Variants in ZNF423 observed in about 807,000 individuals in gnomAD.
ZNF423 encodes zinc finger protein 423.
ZNF423 carries 12 observed loss-of-function variants against 95.8 expected under a neutral mutation model. The ratio of observed to expected loss-of-function variants is 0.13; its 90% CI spans 0.08 to 0.20. The LOEUF is 0.20. Among genes scored for constraint, ZNF423 ranks in the 10% least tolerant of loss-of-function variants. ZNF423 has a pLI of 1.00. For missense variants in ZNF423, 1,316 were observed against 1,737.1 expected (o/e 0.76, Z 4.31); for synonymous variants, 749 against 711.9 (o/e 1.05, Z -0.83).
At chr16:49,573,961 A>T (rs1261011905) in intron 5 of ZNF423, among the ~76,000 whole-genome samples, 1 of 152,200 alleles carries the variant, frequency 6.6e-6, no homozygotes, top group African/African-American at 2.4e-5. Context: ...GCCTTCATCC[A>T]TACCTCACAG....
intron 7 of ZNF423, chr16:49,518,368 A>T: frequency 2.3e-6 from 1 of 432,652 alleles, no homozygotes; most frequent in South Asian, 1.7e-5. Context: ...TATCATAAAA[A>T]TGACAACGGG....
At chr16:49,773,860 G>A (rs2034077005) in intron 2 of ZNF423, among the ~76,000 whole-genome samples, 1 of 152,228 alleles carries the variant, frequency 6.6e-6, no homozygotes, top group Non-Finnish European at 1.5e-5. Flanking sequence ...CTTGAGGGAG[G>A]CAAGGAGGCA....
At chr16:49,494,234 CA>C (rs2074877390) in intron 7 of ZNF423, among the ~76,000 whole-genome samples, 1 of 152,248 alleles carries the variant, frequency 6.6e-6, no homozygotes, top group Admixed American at 6.5e-5. Flanking sequence ...ATAGCAGTAG[CA>C]GGGGGCTCTG....
chr16:49,560,979 T>C (rs1969998943), intron 5 of ZNF423, among the ~76,000 whole-genome samples: 1 of 152,224 alleles, frequency 6.6e-6, no homozygotes, highest in Admixed American at 6.5e-5. Context: ...GCAAATTCAC[T>C]AAAGGAGGCT....
At chr16:49,774,713 C>T (rs1482168955) in intron 2 of ZNF423, among the ~76,000 whole-genome samples, 1 of 152,148 alleles carries the variant, frequency 6.6e-6, no homozygotes, top group Non-Finnish European at 1.5e-5. Context: ...GAATAAACCA[C>T]AGCCAAATGA....
intron 2 of ZNF423, among the ~76,000 whole-genome samples, chr16:49,773,618 A>C (rs943138429): frequency 1.1e-4 from 16 of 152,316 alleles, no homozygotes; most frequent in Middle Eastern, 6.8e-3. Flanking sequence ...AAGGAAGTTA[A>C]ATGATAAATA....
chr16:49,813,153 G>C (rs1597032596), intron 1 of ZNF423, among the ~76,000 whole-genome samples: 1 of 152,026 alleles, frequency 6.6e-6, no homozygotes, highest in Non-Finnish European at 1.5e-5. Context: ...ATTTCCCTGT[G>C]CGTATGAATG....
At chr16:49,675,036 G>C (rs147006740) in intron 3 of ZNF423, among the ~76,000 whole-genome samples, 45 of 152,310 alleles carry the variant, frequency 3.0e-4, no homozygotes, top group Admixed American at 6.5e-4. Flanking sequence ...CGGGAGGCCT[G>C]TGGTGTGTGG....
intron 1 of ZNF423, chr16:49,827,156 G>C (rs925803712): frequency 6.6e-6 from 1 of 152,126 alleles, no homozygotes; most frequent in Non-Finnish European, 1.5e-5. Flanking sequence ...AAATAAAAGA[G>C]ATACATCTCC....
At chr16:49,756,691 G>C (rs2033733214) in intron 2 of ZNF423, among the ~76,000 whole-genome samples, 2 of 152,200 alleles carry the variant, frequency 1.3e-5, no homozygotes, top group African/African-American at 4.8e-5. Flanking sequence ...TCACCTGCAT[G>C]GAAAGGAGGA....
intron 7 of ZNF423, among the ~76,000 whole-genome samples, chr16:49,509,146 C>A (rs1461189484): frequency 6.6e-6 from 1 of 152,130 alleles, no homozygotes; most frequent in Non-Finnish European, 1.5e-5. Flanking sequence ...AAGTGGCTCG[C>A]TAAGTCGTCT....
intron 5 of ZNF423, among the ~76,000 whole-genome samples, chr16:49,547,007 T>C (rs913510157): frequency 4.1e-5 from 6 of 145,212 alleles, no homozygotes; most frequent in Non-Finnish European, 9.1e-5. Flanking sequence ...TGATACTCTT[T>C]CCAGAAAAAA....
chr16:49,509,700 C>T (rs17789450), intron 7 of ZNF423, among the ~76,000 whole-genome samples: 19,954 of 152,118 alleles, frequency 0.13, 1,349 homozygotes, highest in East Asian at 0.2. Flanking sequence ...TGCAGGCAGC[C>T]ATCCCCGCTC....
chr16:49,857,467 T>TAAAA (rs2035384158), upstream of ZNF423, among the ~76,000 whole-genome samples: 2 of 152,050 alleles, frequency 1.3e-5, no homozygotes, highest in Non-Finnish European at 2.9e-5. The surrounding 1 kb of genome is among the most constrained non-coding windows in gnomAD (Gnocchi z 6.2). Flanking sequence ...CCTCACAAAC[T>TAAAA]GTAAAAAGTG....
chr16:49,546,293 A>T (rs1969435327), intron 5 of ZNF423, among the ~76,000 whole-genome samples: 1 of 152,186 alleles, frequency 6.6e-6, no homozygotes, highest in African/African-American at 2.4e-5. Context: ...TCTCAATTCC[A>T]TTTCAACACC....
In ZNF423 at chr16:49,525,441, C is replaced by T; in HGVS notation, c.3655G>A (p.Ala1219Thr). ...TCAATGAGGTGACAGAGGAGCTTGG[C>T]CGGGGAGTCGAACATCTGGTTGCAC... is the stretch of plus-strand genomic sequence containing the variant. ...KLCNQMFDSP[A>T]KLLCHLIEHS... Residue 1219 changes from alanine to threonine, a missense_variant, in exon 6 of 8, where the codon GCC becomes ACC. Physicochemically the swap from Ala to Thr is moderately conservative, Grantham distance 58 (BLOSUM62 0). Transcript: ENST00000563137. The T allele has an allele frequency of 6.2e-7, 1 of 1,614,036 alleles. No individual in the cohort carries two copies. The highest frequency in any genetic ancestry group is 8.5e-7 in the Non-Finnish European group (1 of 1,179,962).
intron 5 of ZNF423, among the ~76,000 whole-genome samples, chr16:49,562,919 C>G (rs964594679): frequency 3.3e-5 from 5 of 152,206 alleles, no homozygotes; most frequent in Admixed American, 6.5e-5. Flanking sequence ...GTTGGGACTA[C>G]AGGCACGAAA....
chr16:49,635,812 C>T lies in ZNF423; in HGVS notation c.3364G>A (p.Asp1122Asn), dbSNP rs771960577. ...CAACGGAGGCCGGCACAGGGCCGGT[C>T]GGCGGGCTCGGGCGGGGCCAGGCCA... ...VGGLAPPEPA[D>N]RPCAGLRCPE... The change falls in exon 4 of 8, where the codon GAC becomes AAC. Residue 1122 changes from aspartate (D) to asparagine (N), a missense_variant. By Grantham distance (23) the Asp-to-Asn change is conservative. Coordinates refer to ENST00000563137, the MANE Select transcript of ZNF423 (RefSeq NM_001379286.1). The surrounding 1 kb of genome is among the most constrained non-coding windows in gnomAD (Gnocchi z 4.8). The T allele has an allele frequency of 6.8e-6, 11 of 1,610,136 alleles. No homozygotes were observed. The highest frequency in any genetic ancestry group is 9.3e-6 in the Non-Finnish European group (11 of 1,178,836).
rs1329994414 is a variant in ZNF423, at chr16:49,754,852, T to C, written c.101-23881A>G. Among the ~76,000 whole-genome samples, 3 of 152,352 alleles carry C rather than the reference T, an allele frequency of 2.0e-5. No homozygotes were observed. The East Asian group carries it at 5.8e-4, about 29-fold the overall frequency. On this transcript the variant is annotated intron_variant, in intron 2 of 7. Transcript: ENST00000563137. ...TACAGAGTGCCAGGCAGAATGGACTTAAATCCTCCCTCAAAGGGCCCCCTG... is the reference window on the plus strand; with the variant it reads ...TACAGAGTGCCAGGCAGAATGGACTCAAATCCTCCCTCAAAGGGCCCCCTG...
Sources: allele counts gnomAD v4.1 joint callset (sites outside exome capture counted in the v4.1 genomes callset), GRCh38; gene constraint gnomAD v4.1.1; non-coding constraint Gnocchi (gnomAD v3.1); transcripts MANE v1.5; gene names NCBI Gene and HGNC (gene_info 2026-07-23, HGNC 2026-07-21).